Variants in ADAMTSL1 observed in about 807,000 individuals in gnomAD.
ADAMTSL1 encodes the protein ADAMTS like 1.
A neutral mutation model predicts 201.8 loss-of-function variants in ADAMTSL1; 126 were observed. That is an observed-to-expected ratio of 0.62 (90% CI 0.54 to 0.72). The LOEUF (loss-of-function observed/expected upper bound fraction) is 0.72. Ranked by LOEUF, ADAMTSL1 falls within the 30% of genes least tolerant of loss-of-function variation. ADAMTSL1 has a pLI of 0.00. For synonymous variants in ADAMTSL1, 1,121 were observed against 903.4 expected, an observed-to-expected ratio of 1.24 and a Z score of -4.32; for missense variants, 2,679 against 2,277.8, an observed-to-expected ratio of 1.18 and a Z score of -3.59.
intron 2 of ADAMTSL1, among the ~76,000 whole-genome samples, chr9:18,240,254 G>A (rs1017400835): frequency 3.9e-5 from 6 of 152,092 alleles, no homozygotes; most frequent in African/African-American, 9.7e-5. Flanking sequence ...AGCAGGCATG[G>A]AAACAACTCT....
intron 4 of ADAMTSL1, among the ~76,000 whole-genome samples, chr9:18,600,309 A>C (rs1824556498): frequency 2.0e-5 from 3 of 152,226 alleles, no homozygotes; most frequent in Admixed American, 1.3e-4. Context: ...CCAAGTACTT[A>C]ACATGCTATT....
At chr9:18,267,524 G>C (rs1436703537) in intron 2 of ADAMTSL1, among the ~76,000 whole-genome samples, 2 of 152,030 alleles carry the variant, frequency 1.3e-5, no homozygotes, top group East Asian at 3.9e-4. Context: ...TTCAGCGCAT[G>C]GCTTACAGAA....
At chr9:18,105,552 G>A (rs1824720140) in intron 1 of ADAMTSL1, among the ~76,000 whole-genome samples, 1 of 152,016 alleles carries the variant, frequency 6.6e-6, no homozygotes. Context: ...GGCCTAGAGG[G>A]AAAAATAGGG....
chr9:18,021,338 T>C (rs1820473567), intron 1 of ADAMTSL1, among the ~76,000 whole-genome samples: 1 of 152,164 alleles, frequency 6.6e-6, no homozygotes, highest in South Asian at 2.1e-4. Context: ...ACAAATCATT[T>C]TAAAAAGGAA....
In ADAMTSL1 at chr9:18,307,987, C is replaced by A. The variant is rs1482610920; in HGVS notation, c.207+144006C>A. ...AAATGCAAAAGGACAGAAATCATAA[C>A]AAACAGTCTTACACCACAGTGTAAT... On this transcript the variant is annotated intron_variant, in intron 2 of 29. Transcript: ENST00000680146. Among the ~76,000 whole-genome samples the A allele has an allele frequency of 2.0e-5, 3 of 152,210 alleles. No individual in the cohort carries two copies. In the South Asian group the frequency reaches 6.3e-4, roughly 32 times the overall value.
chr9:18,066,023 C>CCA (rs753140885), intron 1 of ADAMTSL1, among the ~76,000 whole-genome samples: 38 of 148,830 alleles, frequency 2.6e-4, no homozygotes, highest in Non-Finnish European at 5.0e-4. Context: ...AAGAATGGCA[C>CCA]CACCACAATG....
intron 2 of ADAMTSL1, among the ~76,000 whole-genome samples, chr9:18,254,642 C>A (rs1021679890): frequency 1.3e-5 from 2 of 151,078 alleles, no homozygotes; most frequent in East Asian, 3.9e-4. Context: ...GGATTACAGG[C>A]GTGAGCCACC....
chr9:18,815,937 A>G (rs1056420981), intron 20 of ADAMTSL1, among the ~76,000 whole-genome samples: 3 of 152,154 alleles, frequency 2.0e-5, no homozygotes, highest in Non-Finnish European at 1.5e-5. Context: ...TATACATTGT[A>G]TAAAAATCAA....
chr9:18,175,219 A>T (rs867003432), intron 2 of ADAMTSL1, among the ~76,000 whole-genome samples: 6 of 152,096 alleles, frequency 3.9e-5, no homozygotes, highest in African/African-American at 1.4e-4. Flanking sequence ...TAAAATAAAC[A>T]TGTTCTGGAT....
At chr9:18,533,671 A>G (rs774086917) in intron 3 of ADAMTSL1, among the ~76,000 whole-genome samples, 2 of 152,350 alleles carry the variant, frequency 1.3e-5, no homozygotes, top group Non-Finnish European at 1.5e-5. Context: ...CATTTATTCA[A>G]CAAATATTAT....
chr9:18,457,382 A>C (rs1187958136), intron 2 of ADAMTSL1, among the ~76,000 whole-genome samples: 1 of 152,124 alleles, frequency 6.6e-6, no homozygotes, highest in African/African-American at 2.4e-5. Context: ...CCCAGACTGG[A>C]ATGCAGTGGT....
intron 1 of ADAMTSL1, among the ~76,000 whole-genome samples, chr9:18,023,608 G>A (rs1046591558): frequency 6.6e-6 from 1 of 152,040 alleles, no homozygotes; most frequent in South Asian, 2.1e-4. Context: ...CTGGCTTTGG[G>A]ATTTTTATCT....
intron 4 of ADAMTSL1, among the ~76,000 whole-genome samples, chr9:18,594,853 T>C (rs1824161786): frequency 6.6e-6 from 1 of 152,138 alleles, no homozygotes; most frequent in East Asian, 1.9e-4. Context: ...TCCTGAATGT[T>C]CTTGGTGCTT....
chr9:18,019,036 A>G (rs1356796511), intron 1 of ADAMTSL1, among the ~76,000 whole-genome samples: 1 of 152,084 alleles, frequency 6.6e-6, no homozygotes, highest in African/African-American at 2.4e-5. Flanking sequence ...GGCTTTCAAG[A>G]CACTGAGAGT....
At chr9:17,983,032 A>AT (rs143071994) in intron 1 of ADAMTSL1, among the ~76,000 whole-genome samples, 27,265 of 101,550 alleles carry the variant, frequency 0.27, 2,861 homozygotes, top group Middle Eastern at 0.36. Flanking sequence ...CTTTTCAACT[A>AT]TTTTTTTTTT....
chr9:18,779,326 C>G (rs1219108520), intron 19 of ADAMTSL1, among the ~76,000 whole-genome samples: 1 of 152,188 alleles, frequency 6.6e-6, no homozygotes, highest in African/African-American at 2.4e-5. Context: ...ATAATACTGC[C>G]TCTCAGCCTT....
At chr9:18,421,822 G>T (rs985792418) in intron 2 of ADAMTSL1, among the ~76,000 whole-genome samples, 4 of 152,080 alleles carry the variant, frequency 2.6e-5, no homozygotes, top group African/African-American at 9.7e-5. Context: ...AGGTATTGCA[G>T]AGTTACTCAA....
At chr9:18,043,880 A>G (rs1821542407) in intron 1 of ADAMTSL1, among the ~76,000 whole-genome samples, 1 of 151,258 alleles carries the variant, frequency 6.6e-6, no homozygotes, top group African/African-American at 2.4e-5. Context: ...TTATTTAGTA[A>G]CCTGATGACT....
At chr9:18,273,357 A>C (rs1280737719) in intron 2 of ADAMTSL1, among the ~76,000 whole-genome samples, 1 of 126,120 alleles carries the variant, frequency 7.9e-6, no homozygotes, top group African/African-American at 2.7e-5. Flanking sequence ...CTGGGATTGC[A>C]AGAGTGAGTC....
Sources: gnomAD v4.1 joint callset for allele counts (sites outside exome capture counted in the v4.1 genomes callset) on GRCh38, gnomAD v4.1.1 for gene constraint, MANE v1.5 for transcripts, NCBI Gene and HGNC (gene_info 2026-07-23, HGNC 2026-07-21) for gene names.